The following XKR5 variants were observed in gnomAD, a reference collection of about 807,000 sequenced individuals.
XKR5 encodes XK related 5.
In XKR5, 46 loss-of-function variants were observed where a neutral mutation model predicts 40.8. The observed-to-expected ratio is 1.13, with a 90% CI of 0.89 to 1.44. The LOEUF is 1.44. XKR5 is among the 40% of genes most tolerant of loss of function. The pLI is 0.00. For synonymous variants in XKR5, 466 were observed against 356.1 expected, an observed-to-expected ratio of 1.31 and a Z score of -3.48; for missense variants, 1,169 against 844.7, an observed-to-expected ratio of 1.38 and a Z score of -4.76.
At chr8:6,834,621 A>C (rs1295975728) in intron 1 of XKR5, among the ~76,000 whole-genome samples, 1 of 152,120 alleles carries the variant, frequency 6.6e-6, no homozygotes, top group Non-Finnish European at 1.5e-5. Flanking sequence ...ACCTGCGGGG[A>C]CGCCCGCGAA....
At position 6,809,443 on chromosome 8, in the gene XKR5, C is replaced by T. The variant is rs1427224885; in HGVS notation, c.*1755G>A. The T allele has an allele frequency of 6.6e-6, 1 of 151,980 alleles. No homozygotes were observed. Among genetic ancestry groups the T allele is most frequent in the East Asian group, 1.9e-4 (1 of 5,172 alleles). The allele number at this position is 151,980 out of a possible 1,614,324, so 9.4% of individuals were successfully genotyped here. On this transcript the variant is annotated 3_prime_UTR_variant, in exon 7 of 7. Transcript: ENST00000618742. ...AGCTGGGACTACAGGTGTGTGCCAC[C>T]ACACCAGGATAATTTATGTATTTTT...
Position 6,817,534 on chromosome 8 carries a change from C to CTTGAA in XKR5, c.808-1617_808-1616insTTCAA, listed in dbSNP as rs1369797170. ...ACCGAGAGACTTGAACAAACACTGA[C>CTTGAA]CGAGTTTCCAGCAGCTCAAGGCCTC... On this transcript the variant is annotated intron_variant, in intron 5 of 6. Transcript: ENST00000618742. Among the ~76,000 whole-genome samples the CTTGAA allele has an allele frequency of 2.6e-5, 4 of 151,910 alleles. No individual in the cohort carries two copies. The East Asian group carries it at 7.8e-4, about 30-fold the overall frequency.
At chr8:6,827,704 G>C (rs1359772351) in intron 2 of XKR5, among the ~76,000 whole-genome samples, 1 of 152,200 alleles carries the variant, frequency 6.6e-6, no homozygotes, top group Admixed American at 6.5e-5. Flanking sequence ...ACATGGGGTA[G>C]TTTCCTCTTC....
chr8:6,827,681 T>C (rs1804574172), intron 2 of XKR5, among the ~76,000 whole-genome samples: 2 of 152,202 alleles, frequency 1.3e-5, no homozygotes, highest in African/African-American at 4.8e-5. Flanking sequence ...CACTCTCAAA[T>C]CATTTGTTCC....
At chr8:6,815,952 TCA>T in intron 5 of XKR5, 34 bp from the exon 6 acceptor site, 2 of 1,512,220 alleles carry the variant, frequency 1.3e-6, no homozygotes, top group Non-Finnish European at 1.8e-6. Flanking sequence ...CCACACCTCG[TCA>T]GGTGCACACT....
intron 6 of XKR5, among the ~76,000 whole-genome samples, chr8:6,815,346 A>G (rs1022154443): frequency 1.3e-5 from 2 of 152,142 alleles, no homozygotes; most frequent in Non-Finnish European, 2.9e-5. Flanking sequence ...TCTCAGCTCT[A>G]TCTGTTACAA....
intron 6 of XKR5, among the ~76,000 whole-genome samples, chr8:6,815,225 G>A (rs34535368): frequency 0.088 from 13,348 of 152,224 alleles, 1,240 homozygotes; most frequent in East Asian, 0.41. Flanking sequence ...AATCTGGGAA[G>A]CGAGGTCATC....
chr8:6,832,656 G>C (rs1438978606), intron 2 of XKR5, 61 bp downstream of exon 2: 23 of 1,586,166 alleles, frequency 1.5e-5, no homozygotes, highest in Non-Finnish European at 1.9e-5. Context: ...ATGGAGAGAA[G>C]ATTCCTCTCA....
In XKR5 at chr8:6,815,866, T is replaced by C; in HGVS notation, c.860A>G (p.Gln287Arg). 1 of 1,605,826 alleles carries C rather than the reference T, an allele frequency of 6.2e-7. No individual in the cohort carries two copies. Among genetic ancestry groups the C allele is most frequent in the East Asian group, 2.2e-5 (1 of 44,504 alleles). The stretch of plus-strand genomic sequence containing the variant: ...CTGCAGGCTGGTCCACGATGCCCCC[T>C]GGAGAAAGTCGGTGGCCAACAGCAA... ...ILLLLATDFL[Q>R]GASWTSLQTI... The change falls in exon 6 of 7, where the codon CAG becomes CGG. Residue 287 changes from glutamine (Q) to arginine (R), a missense_variant. Transcript: ENST00000618742.
chr8:6,811,847 A>C lies in XKR5; in HGVS notation c.1412T>G (p.Phe471Cys), dbSNP rs1803713339. 6.5e-7 allele frequency: 1 copy of C among 1,537,582 alleles called. No individual in the cohort carries two copies. Among genetic ancestry groups the C allele is most frequent in the Non-Finnish European group, 8.7e-7 (1 of 1,146,984 alleles). ...GGCCTCTGCTTTAGGGACACCTTCA[A>C]ACGCAGAGCTGTTCTCTAAGGTTGA... Reference protein sequence around the residue: ...DPSTLENSSAFEGVPKAEADP... With the variant: ...DPSTLENSSACEGVPKAEADP... The change falls in exon 7 of 7, where the codon TTT becomes TGT. Residue 471 changes from phenylalanine to cysteine, a missense_variant. Physicochemically the swap from Phe to Cys is radical, Grantham distance 205 (BLOSUM62 -2). Coordinates refer to ENST00000618742, the MANE Select transcript of XKR5 (RefSeq NM_207411.5).
At position 6,827,609 on chromosome 8, in the gene XKR5, T is replaced by C. The variant is rs151081734; in HGVS notation, c.243-2260A>G. On this transcript the variant is annotated intron_variant, in intron 2 of 6. Transcript: ENST00000618742. Reference sequence around the variant, plus strand: ...GTCTTGATTCCTGACATAAACTTAATGTTAAGAAAAACATATGACACTAAA... The same window carrying C: ...GTCTTGATTCCTGACATAAACTTAACGTTAAGAAAAACATATGACACTAAA... Among the ~76,000 whole-genome samples, 718 of 152,334 alleles carry C rather than the reference T, an allele frequency of 4.7e-3. 10 individuals are homozygous for C. The highest frequency in any genetic ancestry group is 0.016 in the African/African-American group (667 of 41,570).
chr8:6,824,118 G>A (rs1460537453), intron 3 of XKR5, among the ~76,000 whole-genome samples: 1 of 152,168 alleles, frequency 6.6e-6, no homozygotes, highest in Non-Finnish European at 1.5e-5. Flanking sequence ...CACCCCAAAT[G>A]TACTTTGCTG....
Position 6,812,106 on chromosome 8 carries a change from G to C in XKR5, c.1153C>G (p.Pro385Ala). 1 of 1,546,082 alleles carries C rather than the reference G, an allele frequency of 6.5e-7. No individual in the cohort carries two copies. ...GKPPTPEQVPPEAGLGTQVAV... is the reference protein window; with the variant it reads ...GKPPTPEQVPAEAGLGTQVAV... The stretch of plus-strand genomic sequence containing the variant: ...ACCTGGGTCCCCAGCCCAGCCTCTG[G>C]GGGGACCTGCTCAGGGGTAGGGGGC... The change falls in exon 7 of 7, where the codon CCA becomes GCA. Residue 385 changes from proline (P) to alanine (A), a missense_variant. Physicochemically the swap from Pro to Ala is conservative, Grantham distance 27 (BLOSUM62 -1). Coordinates refer to ENST00000618742, the MANE Select transcript of XKR5 (RefSeq NM_207411.5).
At chr8:6,827,629 A>G (rs2117110949) in intron 2 of XKR5, among the ~76,000 whole-genome samples, 1 of 152,326 alleles carries the variant, frequency 6.6e-6, no homozygotes, top group African/African-American at 2.4e-5. Flanking sequence ...AACATATGAC[A>G]CTAAAAAATG....
At chr8:6,834,987 C>T (rs989697242) in intron 1 of XKR5, among the ~76,000 whole-genome samples, 1 of 152,204 alleles carries the variant, frequency 6.6e-6, no homozygotes, top group East Asian at 1.9e-4. Flanking sequence ...TCGCAGGGTC[C>T]CCCTGGACGG....
intron 1 of XKR5, 60 bp downstream of exon 1, chr8:6,835,376 G>A: frequency 7.4e-7 from 1 of 1,356,592 alleles, no homozygotes; most frequent in Non-Finnish European, 9.5e-7. Context: ...TGCGGCTCCC[G>A]GCGCCGGGGT....
At chr8:6,815,385 C>A (rs948569205) in intron 6 of XKR5, among the ~76,000 whole-genome samples, 1 of 152,168 alleles carries the variant, frequency 6.6e-6, no homozygotes, top group African/African-American at 2.4e-5. Context: ...GACTCAACCT[C>A]CTCTGTGCCT....
rs374078854 is a variant in XKR5, at chr8:6,823,695, A to G, written c.463T>C (p.Trp155Arg). The G allele has an allele frequency of 1.3e-6, 2 of 1,587,444 alleles. No individual in the cohort carries two copies. The highest frequency in any genetic ancestry group is 1.7e-6 in the Non-Finnish European group (2 of 1,167,042). The change falls in exon 4 of 7, where the codon TGG becomes CGG. Residue 155 changes from tryptophan (W) to arginine (R), a missense_variant. Physicochemically the swap from Trp to Arg is moderately radical, Grantham distance 101. Transcript: ENST00000618742. ...STLFSWSSLS[W>R]ALVSYTRFMG... is the part of the protein sequence containing the mutation. ...AAGCGAGTGTAGGACACCAGTGCCC[A>G]GGAGAGTGAGGACCAGGAAAACAGG...
Position 6,812,795 on chromosome 8 carries a change from A to G in XKR5, c.920-456T>C, listed in dbSNP as rs527437879. Among the ~76,000 whole-genome samples, 74 of 152,382 alleles carry G rather than the reference A, an allele frequency of 4.9e-4. 1 individual carries two copies. The South Asian group carries it at 0.014, about 29-fold the overall frequency. On this transcript the variant is annotated intron_variant, in intron 6 of 6. Coordinates refer to ENST00000618742, the MANE Select transcript of XKR5 (RefSeq NM_207411.5). ...AAAGCTGGGGGAAGGGAGGGCATTAAGAAATAACCTCAAAAACAAGTAAGA... is the reference window on the plus strand; with the variant it reads ...AAAGCTGGGGGAAGGGAGGGCATTAGGAAATAACCTCAAAAACAAGTAAGA...
Sources: gnomAD v4.1 joint callset for allele counts (sites outside exome capture counted in the v4.1 genomes callset) on GRCh38, gnomAD v4.1.1 for gene constraint, MANE v1.5 for transcripts, NCBI Gene and HGNC (gene_info 2026-07-23, HGNC 2026-07-21) for gene names.